FAM107B: variants seen among roughly 807,000 people sequenced by gnomAD.
FAM107B encodes protein FAM107B.
A neutral mutation model predicts 31.5 loss-of-function variants in FAM107B; 21 were observed. The observed-to-expected ratio is 0.67, with a 90% CI of 0.47 to 0.96. The LOEUF is 0.96. Ranked by LOEUF, FAM107B falls within the 40% of genes least tolerant of loss-of-function variation. The pLI, the probability that FAM107B is intolerant of heterozygous loss-of-function variation, is 0.00. For missense variants in FAM107B, 452 were observed against 377.1 expected, an observed-to-expected ratio of 1.20 and a Z score of -1.64; for synonymous variants, 157 against 141.5, an observed-to-expected ratio of 1.11 and a Z score of -0.78.
chr10:14,538,826 A>G (rs1182193264), intron 2 of FAM107B, among the ~76,000 whole-genome samples: 1 of 152,228 alleles, frequency 6.6e-6, no homozygotes, highest in African/African-American at 2.4e-5. Context: ...CATAATGGAA[A>G]AAAGCATCAG....
intron 1 of FAM107B, among the ~76,000 whole-genome samples, chr10:14,737,384 G>C (rs1462306522): frequency 1.3e-5 from 2 of 152,102 alleles, no homozygotes; most frequent in Non-Finnish European, 2.9e-5. Context: ...ACGTCGAGGT[G>C]GGCGGATTGC....
intron 2 of FAM107B, among the ~76,000 whole-genome samples, chr10:14,561,690 T>C (rs1318125277): frequency 6.6e-6 from 1 of 152,230 alleles, no homozygotes; most frequent in Non-Finnish European, 1.5e-5. Flanking sequence ...AAACCTTTCC[T>C]AGTCCAGTCT....
At chr10:14,723,631 A>C in intron 1 of FAM107B, 9 of 700,216 alleles carry the variant, frequency 1.3e-5, no homozygotes, top group East Asian at 2.7e-5. Context: ...AATGATGGGA[A>C]GGTTAACATA....
chr10:14,631,901 C>T (rs1327929599), intron 2 of FAM107B, among the ~76,000 whole-genome samples: 3 of 152,094 alleles, frequency 2.0e-5, no homozygotes, highest in Non-Finnish European at 4.4e-5. Flanking sequence ...AGCCAAGTGA[C>T]GGCTTTTATA....
At position 14,774,522 on chromosome 10, in the gene FAM107B, T is replaced by G. The variant is rs764688416; in HGVS notation, c.142A>C (p.Thr48Pro). 6.2e-7 allele frequency: 1 copy of G among 1,614,126 alleles called. No individual in the cohort carries two copies. The highest frequency in any genetic ancestry group is 2.2e-5 in the East Asian group (1 of 44,874). The change falls in exon 1 of 5, where the codon ACT (threonine) becomes CCT (proline). Residue 48 changes from threonine to proline, a missense_variant. By Grantham distance (38) the Thr-to-Pro change is conservative. Coordinates refer to ENST00000181796, the MANE Select transcript of FAM107B (RefSeq NM_031453.4). ...GGCTGCACACGGACGGTGGAATGAG[T>G]ATCAGCCACGCCGGACTGATTGAAG... ...ASFNQSGVAD[T>P]HSTVRVQPVA...
At chr10:14,529,047 T>C (rs1035805309) in intron 3 of FAM107B, among the ~76,000 whole-genome samples, 1 of 152,200 alleles carries the variant, frequency 6.6e-6, no homozygotes, top group Non-Finnish European at 1.5e-5. Flanking sequence ...TCTGAAAATC[T>C]TTGAGTGACA....
chr10:14,675,984 C>T (rs1054345908), intron 1 of FAM107B, among the ~76,000 whole-genome samples: 2 of 152,100 alleles, frequency 1.3e-5, no homozygotes, highest in African/African-American at 2.4e-5. Flanking sequence ...ATAGTGAAAG[C>T]CTGTCTCTGC....
At chr10:14,694,077 C>T (rs757867722) in intron 1 of FAM107B, among the ~76,000 whole-genome samples, 23 of 152,110 alleles carry the variant, frequency 1.5e-4, no homozygotes, top group Non-Finnish European at 5.9e-5. Context: ...AATGATATTC[C>T]GCTGTATGTA....
At chr10:14,741,947 C>T (rs1308460888) in intron 1 of FAM107B, among the ~76,000 whole-genome samples, 4 of 152,032 alleles carry the variant, frequency 2.6e-5, no homozygotes, top group Non-Finnish European at 4.4e-5. Flanking sequence ...ATCTCCTGAC[C>T]TCGTGATCCA....
At chr10:14,556,303 T>C (rs1849694680) in intron 2 of FAM107B, 8 of 970,070 alleles carry the variant, frequency 8.2e-6, no homozygotes, top group African/African-American at 5.3e-5. Context: ...AAATTTACAA[T>C]TGATAAAGTC....
intron 1 of FAM107B, among the ~76,000 whole-genome samples, chr10:14,756,966 C>T (rs1404051561): frequency 6.6e-6 from 1 of 152,044 alleles, no homozygotes; most frequent in African/African-American, 2.4e-5. Flanking sequence ...ATGATGAGAA[C>T]ACATAGACAC....
At chr10:14,624,648 C>T (rs1853108154) in intron 2 of FAM107B, among the ~76,000 whole-genome samples, 1 of 151,972 alleles carries the variant, frequency 6.6e-6, no homozygotes. Flanking sequence ...AAAAAAAAGA[C>T]TTGAGGGTCA....
At chr10:14,564,398 A>C (rs1323418153) in intron 2 of FAM107B, among the ~76,000 whole-genome samples, 1 of 151,966 alleles carries the variant, frequency 6.6e-6, no homozygotes, top group Admixed American at 6.6e-5. Context: ...TCACCATTCT[A>C]TATCAAAATA....
intron 1 of FAM107B, among the ~76,000 whole-genome samples, chr10:14,682,190 C>T (rs1854852133): frequency 6.6e-6 from 1 of 152,176 alleles, no homozygotes; most frequent in African/African-American, 2.4e-5. Context: ...CATTGCCGAA[C>T]AGTATGCAGA....
At chr10:14,624,778 G>A (rs1853113120) in intron 2 of FAM107B, among the ~76,000 whole-genome samples, 1 of 152,234 alleles carries the variant, frequency 6.6e-6, no homozygotes, top group Admixed American at 6.5e-5. Flanking sequence ...AAGAAAAACA[G>A]AGTGGGTGGA....
chr10:14,621,255 G>C (rs960495827), intron 2 of FAM107B, among the ~76,000 whole-genome samples: 2 of 152,054 alleles, frequency 1.3e-5, no homozygotes, highest in Admixed American at 6.5e-5. Context: ...TTCACATTTC[G>C]ATGTTTTGAA....
chr10:14,697,397 T>C (rs1023869923), intron 1 of FAM107B, among the ~76,000 whole-genome samples: 3 of 152,226 alleles, frequency 2.0e-5, no homozygotes, highest in African/African-American at 7.2e-5. Context: ...CCACGTGTTT[T>C]TGAAATAATG....
rs58879328 is a variant in FAM107B at position 14,628,112 on chromosome 10, G to GTTTTTTTTTGTTTTTTTTTTTTTT, written c.469+39521_469+39522insAAAAAAAAAAAAAACAAAAAAAAA. On this transcript the variant is annotated intron_variant, in intron 2 of 4. Coordinates refer to ENST00000181796, the MANE Select transcript of FAM107B (RefSeq NM_031453.4). Reference sequence around the variant, plus strand: ...TCCTTGTTTGTTTTTTGTTTTGCTGGTTTTTTTTTTTTTTTTTTTTTGAGA... The same window carrying GTTTTTTTTTGTTTTTTTTTTTTTT: ...TCCTTGTTTGTTTTTTGTTTTGCTGGTTTTTTTTTGTTTTTTTTTTTTTTTTTTTTTTTTTTTTTTTTTTTGAGA... Among the ~76,000 whole-genome samples the GTTTTTTTTTGTTTTTTTTTTTTTT allele has an allele frequency of 5.6e-4, 52 of 92,682 alleles. 7 individuals carry two copies. The highest frequency in any genetic ancestry group is 3.2e-3 in the South Asian group (7 of 2,190). The allele number at this position is 92,682 out of a possible 152,430, so 60.8% of individuals were successfully genotyped here.
intron 1 of FAM107B, among the ~76,000 whole-genome samples, chr10:14,675,631 A>C (rs1399035562): frequency 1.3e-5 from 2 of 152,212 alleles, no homozygotes; most frequent in Non-Finnish European, 2.9e-5. Flanking sequence ...CCTATCATGA[A>C]ACATTTAAAG....
Sources: gnomAD v4.1 joint callset for allele counts (sites outside exome capture counted in the v4.1 genomes callset) on GRCh38, gnomAD v4.1.1 for gene constraint, MANE v1.5 for transcripts, NCBI Gene and HGNC (gene_info 2026-07-23, HGNC 2026-07-21) for gene names.